ACTR3C: variants seen among roughly 807,000 people sequenced by gnomAD.
ACTR3C encodes the protein actin related protein 3C, also known as actin-related protein 3C.
A neutral mutation model predicts 26.3 loss-of-function variants in ACTR3C; 18 were observed. That is an observed-to-expected ratio of 0.68 (90% CI 0.47 to 1.01). ACTR3C has a LOEUF of 1.01. Ranked by LOEUF, ACTR3C falls within the 50% of genes least tolerant of loss-of-function variation. ACTR3C has a pLI of 0.00. For synonymous variants in ACTR3C, 55 were observed against 94.5 expected, an observed-to-expected ratio of 0.58 and a Z score of 2.42; for missense variants, 184 against 250.7, an observed-to-expected ratio of 0.73 and a Z score of 1.80.
the ACTR3C span, among the ~76,000 whole-genome samples, chr7:150,052,889 A>C: frequency 1.1e-5 from 1 of 95,126 alleles, no homozygotes; most frequent in African/African-American, 3.5e-5. Context: ...ACCTTTCTTC[A>C]CTTCTGTTGT....
At chr7:150,072,595 C>T in the ACTR3C span, among the ~76,000 whole-genome samples, 67 of 146,800 alleles carry the variant, frequency 4.6e-4, 1 homozygote, top group African/African-American at 1.6e-3. Flanking sequence ...ATGGGAGCAC[C>T]GGCCGGTGAT....
the ACTR3C span, among the ~76,000 whole-genome samples, chr7:149,972,309 A>T: frequency 6.6e-6 from 1 of 152,166 alleles, no homozygotes; most frequent in Non-Finnish European, 1.5e-5. Flanking sequence ...AATTCTACAT[A>T]TTGTATTGTT....
the ACTR3C span, chr7:149,881,993 T>C: frequency 6.6e-6 from 1 of 152,456 alleles, no homozygotes; most frequent in African/African-American, 2.4e-5. Flanking sequence ...GACCTCAGGA[T>C]GGGGACCCCG....
the ACTR3C span, among the ~76,000 whole-genome samples, chr7:150,006,818 T>C: frequency 6.6e-6 from 1 of 152,228 alleles, no homozygotes; most frequent in African/African-American, 2.4e-5. Flanking sequence ...GAAACATTTT[T>C]CAAGGTTTTA....
the ACTR3C span, among the ~76,000 whole-genome samples, chr7:149,899,833 G>A: frequency 2.7e-4 from 36 of 134,296 alleles, no homozygotes; most frequent in East Asian, 2.6e-3. Flanking sequence ...AAGTTAACCC[G>A]AAACAAAACA....
At chr7:150,215,416 G>T in the ACTR3C span, among the ~76,000 whole-genome samples, 1 of 152,066 alleles carries the variant, frequency 6.6e-6, no homozygotes, top group African/African-American at 2.4e-5. Flanking sequence ...TTCTAGGAGC[G>T]CAAATGGGTA....
the ACTR3C span, among the ~76,000 whole-genome samples, chr7:149,903,025 A>G: frequency 4.2e-5 from 1 of 24,068 alleles, no homozygotes; most frequent in Non-Finnish European, 3.3e-4. Flanking sequence ...AAATGTCAAT[A>G]CTCACTGTCA....
the ACTR3C span, among the ~76,000 whole-genome samples, chr7:150,041,707 GCGGGGGGTGCCTCCCCCTCCTGCGA>G: frequency 7.0e-6 from 1 of 142,288 alleles, no homozygotes; most frequent in Non-Finnish European, 1.5e-5. Context: ...CCCCACCCTC[GCGGGGGGTGCCTCCCCCTCCTGCGA>G]TGGGGGTCCT....
chr7:150,224,609 C>A, the ACTR3C span, among the ~76,000 whole-genome samples: 2 of 152,160 alleles, frequency 1.3e-5, no homozygotes, highest in Admixed American at 6.5e-5. Context: ...TTCTGAAATC[C>A]AGCCAGGCAA....
At chr7:149,895,353 C>T in the ACTR3C span, among the ~76,000 whole-genome samples, 3 of 152,066 alleles carry the variant, frequency 2.0e-5, no homozygotes, top group South Asian at 2.1e-4. Context: ...CGGTTAATGA[C>T]GATATATTGC....
the ACTR3C span, among the ~76,000 whole-genome samples, chr7:150,171,708 A>T: frequency 6.6e-6 from 1 of 150,600 alleles, no homozygotes; most frequent in African/African-American, 2.5e-5. Flanking sequence ...TTCTTTGAGA[A>T]GATCCATAAA....
chr7:150,178,615 A>C, the ACTR3C span, among the ~76,000 whole-genome samples: 1 of 150,578 alleles, frequency 6.6e-6, no homozygotes, highest in Admixed American at 6.6e-5. Flanking sequence ...GTTGAGACCC[A>C]TACACATGTA....
chr7:149,900,903 G>T, the ACTR3C span, among the ~76,000 whole-genome samples: 1 of 151,906 alleles, frequency 6.6e-6, no homozygotes, highest in Non-Finnish European at 1.5e-5. Context: ...CGTGGTGGTG[G>T]GCACCTGTAA....
the ACTR3C span, among the ~76,000 whole-genome samples, chr7:149,929,821 G>A: frequency 0.018 from 2,792 of 152,242 alleles, 256 homozygotes; most frequent in East Asian, 0.28. Context: ...ATGAGCCACC[G>A]CGCCCAGCCA....
chr7:150,196,542 A>T, the ACTR3C span, among the ~76,000 whole-genome samples: 1 of 152,160 alleles, frequency 6.6e-6, no homozygotes, highest in Non-Finnish European at 1.5e-5. Flanking sequence ...ATTTTAAATT[A>T]TCTGTTAGAC....
the ACTR3C span, among the ~76,000 whole-genome samples, chr7:150,119,982 C>T: frequency 6.6e-6 from 1 of 152,162 alleles, no homozygotes; most frequent in Non-Finnish European, 1.5e-5. Context: ...TCCTGAATGA[C>T]TACTGGGTAA....
chr7:150,109,851 A>T, the ACTR3C span, among the ~76,000 whole-genome samples: 3 of 144,270 alleles, frequency 2.1e-5, 1 homozygote, highest in Non-Finnish European at 4.5e-5. Flanking sequence ...AAAGCTCAAT[A>T]AACTTGGACG....
At chr7:149,943,827 G>A in the ACTR3C span, among the ~76,000 whole-genome samples, 13 of 146,254 alleles carry the variant, frequency 8.9e-5, no homozygotes, top group African/African-American at 3.6e-4. Flanking sequence ...AGGCAGACTC[G>A]TTCAAAGACT....
At chr7:150,038,829 T>C in the ACTR3C span, among the ~76,000 whole-genome samples, 2,660 of 78,006 alleles carry the variant, frequency 0.034, 8 homozygotes, top group African/African-American at 0.037. Context: ...GCGATGGGGG[T>C]CCTAAGAGCC....
Sources: gnomAD v4.1 joint callset for allele counts (sites outside exome capture counted in the v4.1 genomes callset) on GRCh38, gnomAD v4.1.1 for gene constraint, MANE v1.5 for transcripts, NCBI Gene and HGNC (gene_info 2026-07-23, HGNC 2026-07-21) for gene names.